Variants in DUSP16 observed in about 807,000 individuals in gnomAD.
The protein encoded by DUSP16 is dual specificity protein phosphatase 16.
DUSP16 carries 21 observed loss-of-function variants against 58.3 expected under a neutral mutation model. The observed-to-expected ratio is 0.36, with a 90% CI of 0.26 to 0.52. DUSP16 has a LOEUF of 0.52. Among genes scored for constraint, DUSP16 ranks in the 20% least tolerant of loss-of-function variants. The pLI is 0.94. For synonymous variants in DUSP16, 320 were observed against 323.8 expected (o/e 0.99, Z 0.12); for missense variants, 726 against 819.0 (o/e 0.89, Z 1.39).
intron 4 of DUSP16, among the ~76,000 whole-genome samples, chr12:12,494,502 A>G (rs1319688527): frequency 6.6e-6 from 1 of 152,216 alleles, no homozygotes; most frequent in Admixed American, 6.5e-5. Context: ...TCCGATGAAT[A>G]TAATGTAGCA....
chr12:12,496,896 G>A (rs781775398), intron 4 of DUSP16, among the ~76,000 whole-genome samples: 1 of 152,286 alleles, frequency 6.6e-6, no homozygotes, highest in South Asian at 2.1e-4. Flanking sequence ...TTTTGGTACC[G>A]ATGACCTCTT....
chr12:12,484,996 G>A (rs1365047864), intron 5 of DUSP16, among the ~76,000 whole-genome samples: 1 of 150,942 alleles, frequency 6.6e-6, no homozygotes, highest in Admixed American at 6.6e-5. Context: ...TTAACTTGTG[G>A]GGGTTTGTTT....
intron 1 of DUSP16, among the ~76,000 whole-genome samples, chr12:12,540,947 TTC>T (rs1467095094): frequency 0.014 from 683 of 48,378 alleles, 26 homozygotes; most frequent in African/African-American, 0.048. Flanking sequence ...TTCTTTTCTT[TTC>T]TTTTTTTTTT....
chr12:12,514,310 T>C (rs1944117611), intron 3 of DUSP16, among the ~76,000 whole-genome samples: 1 of 152,228 alleles, frequency 6.6e-6, no homozygotes, highest in East Asian at 1.9e-4. Context: ...TCAATGCAGA[T>C]GTTAGATCAC....
intron 6 of DUSP16, among the ~76,000 whole-genome samples, chr12:12,479,545 C>G (rs1408667595): frequency 6.6e-6 from 1 of 152,060 alleles, no homozygotes; most frequent in African/African-American, 2.4e-5. Flanking sequence ...CAGCTCATTT[C>G]TGTTTTCCAA....
intron 1 of DUSP16, among the ~76,000 whole-genome samples, chr12:12,528,050 C>A (rs890424540): frequency 5.9e-5 from 9 of 152,234 alleles, no homozygotes; most frequent in African/African-American, 1.9e-4. Flanking sequence ...GAGCACTCCC[C>A]TCCTGGTATT....
At chr12:12,524,242 G>C (rs1944272654) in intron 1 of DUSP16, among the ~76,000 whole-genome samples, 1 of 152,176 alleles carries the variant, frequency 6.6e-6, no homozygotes. Flanking sequence ...GAAAGGCTCT[G>C]GTCAAAGTGA....
At chr12:12,559,041 C>CA (rs1349813971) in intron 1 of DUSP16, among the ~76,000 whole-genome samples, 1 of 152,188 alleles carries the variant, frequency 6.6e-6, no homozygotes, top group East Asian at 1.9e-4. Flanking sequence ...GAGCCTGCTT[C>CA]TTTAAATTCG....
intron 1 of DUSP16, among the ~76,000 whole-genome samples, chr12:12,554,262 A>T (rs897938438): frequency 2.0e-5 from 3 of 151,082 alleles, no homozygotes; most frequent in Non-Finnish European, 2.9e-5. Flanking sequence ...TCAAATGTCC[A>T]AGCATATAAT....
chr12:12,488,796 C>T (rs1410167154), intron 4 of DUSP16, among the ~76,000 whole-genome samples: 1 of 152,124 alleles, frequency 6.6e-6, no homozygotes, highest in Admixed American at 6.6e-5. Flanking sequence ...AGGTGAACAG[C>T]AGCCGGGCGC....
At chr12:12,547,457 CAAA>C (rs202208136) in intron 1 of DUSP16, among the ~76,000 whole-genome samples, 1 of 80,450 alleles carries the variant, frequency 1.2e-5, no homozygotes, top group Non-Finnish European at 2.4e-5. Context: ...CAAAAAAAAG[CAAA>C]AAAAAAAAAA....
chr12:12,551,643 T>C (rs1418423139), intron 1 of DUSP16, among the ~76,000 whole-genome samples: 1 of 151,996 alleles, frequency 6.6e-6, no homozygotes, highest in Non-Finnish European at 1.5e-5. Flanking sequence ...CTTAATATTG[T>C]ATAATCAAAT....
chr12:12,503,463 G>T (rs963092885), intron 3 of DUSP16, among the ~76,000 whole-genome samples: 4 of 152,110 alleles, frequency 2.6e-5, no homozygotes, highest in African/African-American at 7.2e-5. Flanking sequence ...GACCTCAGGT[G>T]ATCTGCCCAC....
In DUSP16 at chr12:12,473,365, C is replaced by T. The variant is rs1320776124; in HGVS notation, c.*3468G>A. Among the ~76,000 whole-genome samples, 1 of 152,172 alleles carries T rather than the reference C, an allele frequency of 6.6e-6. No individual in the cohort carries two copies. The highest frequency in any genetic ancestry group is 2.4e-5 in the African/African-American group (1 of 41,438). ...TGCTGAGGCTGGTCATGAAGGGGCTCCGAGCACTGTCAGCAACTGGCCTGA... is the reference window on the plus strand; with the variant it reads ...TGCTGAGGCTGGTCATGAAGGGGCTTCGAGCACTGTCAGCAACTGGCCTGA... On this transcript the variant is annotated 3_prime_UTR_variant, in exon 7 of 7. Transcript: ENST00000298573.
chr12:12,509,672 C>T (rs543215205), intron 3 of DUSP16, among the ~76,000 whole-genome samples: 1 of 152,208 alleles, frequency 6.6e-6, no homozygotes, highest in South Asian at 2.1e-4. Context: ...AAGAATTATC[C>T]ATAATTCTTT....
At chr12:12,496,838 C>G (rs975607856) in intron 4 of DUSP16, among the ~76,000 whole-genome samples, 1 of 152,190 alleles carries the variant, frequency 6.6e-6, no homozygotes, top group African/African-American at 2.4e-5. Context: ...AGAACACACT[C>G]TGAGAAACAA....
chr12:12,514,842 A>G (rs1039381129), intron 3 of DUSP16, among the ~76,000 whole-genome samples: 1 of 152,082 alleles, frequency 6.6e-6, no homozygotes, highest in Non-Finnish European at 1.5e-5. Flanking sequence ...AATTTCTAGT[A>G]CAGACGAGGT....
At chr12:12,505,292 C>T (rs574652239) in intron 3 of DUSP16, among the ~76,000 whole-genome samples, 1 of 152,318 alleles carries the variant, frequency 6.6e-6, no homozygotes, top group South Asian at 2.1e-4. Context: ...GTCCTGGCCT[C>T]CCCAGCTGTG....
At chr12:12,504,071 T>C (rs997127807) in intron 3 of DUSP16, among the ~76,000 whole-genome samples, 6 of 152,220 alleles carry the variant, frequency 3.9e-5, no homozygotes, top group African/African-American at 1.4e-4. Context: ...GTCTCTCTAA[T>C]TGAATAACAC....
Sources: allele counts gnomAD v4.1 joint callset (sites outside exome capture counted in the v4.1 genomes callset), GRCh38; gene constraint gnomAD v4.1.1; transcripts MANE v1.5; gene names NCBI Gene and HGNC (gene_info 2026-07-23, HGNC 2026-07-21).